The following PTPRT variants were observed in gnomAD, a reference collection of about 807,000 sequenced individuals.
PTPRT encodes the protein receptor-type tyrosine-protein phosphatase T.
PTPRT carries 56 observed loss-of-function variants against 176.8 expected under a neutral mutation model. That is an observed-to-expected ratio of 0.32 (90% CI 0.26 to 0.40). The LOEUF (loss-of-function observed/expected upper bound fraction) is 0.40. Among genes scored for constraint, PTPRT ranks in the 10% least tolerant of loss-of-function variants. The pLI is 1.00. For synonymous variants in PTPRT, 783 were observed against 739.0 expected, an observed-to-expected ratio of 1.06 and a Z score of -0.96; for missense variants, 1,540 against 1,908.2, an observed-to-expected ratio of 0.81 and a Z score of 3.60.
At chr20:43,096,510 G>C (rs950022664) in intron 1 of PTPRT, among the ~76,000 whole-genome samples, 1 of 152,174 alleles carries the variant, frequency 6.6e-6, no homozygotes, top group African/African-American at 2.4e-5. Context: ...CAGCAGCTGG[G>C]CCCCTCCTCC....
chr20:42,908,400 AAAT>A, intron 1 of PTPRT, among the ~76,000 whole-genome samples: 1 of 152,326 alleles, frequency 6.6e-6, no homozygotes, highest in South Asian at 2.1e-4. Flanking sequence ...AATTCACAAC[AAAT>A]AATAAATTCC....
chr20:43,155,295 GA>G (rs2146429486), intron 1 of PTPRT, among the ~76,000 whole-genome samples: 1 of 152,306 alleles, frequency 6.6e-6, no homozygotes, highest in South Asian at 2.1e-4. Context: ...ATCAGTGGAT[GA>G]ATGGATAAAG....
intron 1 of PTPRT, among the ~76,000 whole-genome samples, chr20:42,958,645 C>A (rs1047591117): frequency 6.6e-6 from 1 of 152,040 alleles, no homozygotes; most frequent in Non-Finnish European, 1.5e-5. Flanking sequence ...TTGTCCCCTG[C>A]ACCTCCCTCT....
At chr20:42,532,298 C>T (rs1363338780) in intron 7 of PTPRT, among the ~76,000 whole-genome samples, 1 of 152,144 alleles carries the variant, frequency 6.6e-6, no homozygotes, top group Non-Finnish European at 1.5e-5. Flanking sequence ...AAGGAATGCA[C>T]AAGTGCTTAG....
chr20:42,590,102 C>T (rs2145753269), intron 7 of PTPRT, among the ~76,000 whole-genome samples: 1 of 152,206 alleles, frequency 6.6e-6, no homozygotes, highest in Non-Finnish European at 1.5e-5. Context: ...GCTCTTGGAG[C>T]CCAGCCACTA....
At chr20:42,345,849 G>A (rs770105658) in intron 11 of PTPRT, among the ~76,000 whole-genome samples, 6 of 152,020 alleles carry the variant, frequency 3.9e-5, no homozygotes, top group South Asian at 2.1e-4. Flanking sequence ...AGGGGCAGAC[G>A]GAAATGAAAG....
At chr20:43,169,844 G>A (rs562039072) in intron 1 of PTPRT, among the ~76,000 whole-genome samples, 1 of 152,208 alleles carries the variant, frequency 6.6e-6, no homozygotes, top group South Asian at 2.1e-4. Context: ...AGAATTGTAG[G>A]TAAAGTAAGA....
chr20:42,749,248 C>T (rs2076735391), intron 6 of PTPRT, among the ~76,000 whole-genome samples: 1 of 152,160 alleles, frequency 6.6e-6, no homozygotes, highest in Non-Finnish European at 1.5e-5. Context: ...TACAAAGACT[C>T]TGCAAATGTC....
At chr20:42,442,771 T>G (rs1281171590) in intron 9 of PTPRT, among the ~76,000 whole-genome samples, 1 of 152,238 alleles carries the variant, frequency 6.6e-6, no homozygotes, top group African/African-American at 2.4e-5. Flanking sequence ...TATTGATTAC[T>G]GTTTTCCATG....
At chr20:43,019,268 C>A (rs1271515751) in intron 1 of PTPRT, among the ~76,000 whole-genome samples, 1 of 152,160 alleles carries the variant, frequency 6.6e-6, no homozygotes, top group East Asian at 1.9e-4. Flanking sequence ...TCAGTAGGCA[C>A]AAAACCCATC....
chr20:42,975,580 C>A (rs940795537), intron 1 of PTPRT, among the ~76,000 whole-genome samples: 1 of 152,096 alleles, frequency 6.6e-6, no homozygotes, highest in Non-Finnish European at 1.5e-5. Context: ...TCTGCAAAAG[C>A]TTCTGTCTTA....
At chr20:42,228,276 C>T (rs1023975648) in intron 15 of PTPRT, among the ~76,000 whole-genome samples, 5 of 152,110 alleles carry the variant, frequency 3.3e-5, no homozygotes, top group African/African-American at 1.2e-4. Flanking sequence ...ATATAAACAC[C>T]TTTTGCCACC....
chr20:42,623,371 C>T (rs915397522), intron 7 of PTPRT, among the ~76,000 whole-genome samples: 1 of 152,220 alleles, frequency 6.6e-6, no homozygotes, highest in African/African-American at 2.4e-5. Context: ...TGTGCTCCCC[C>T]TCCCGTAAGG....
At chr20:42,333,160 T>C (rs1406786640) in intron 11 of PTPRT, among the ~76,000 whole-genome samples, 1 of 152,210 alleles carries the variant, frequency 6.6e-6, no homozygotes, top group African/African-American at 2.4e-5. Flanking sequence ...GGATTTTCTT[T>C]ATTTCAACCA....
At chr20:42,831,316 G>C (rs907194098) in intron 2 of PTPRT, among the ~76,000 whole-genome samples, 1 of 152,152 alleles carries the variant, frequency 6.6e-6, no homozygotes, top group African/African-American at 2.4e-5. Context: ...GGGATAACTG[G>C]CTAGCCATAT....
intron 18 of PTPRT, among the ~76,000 whole-genome samples, chr20:42,134,075 T>C (rs921674129): frequency 1.3e-5 from 2 of 152,236 alleles, no homozygotes; most frequent in African/African-American, 2.4e-5. Context: ...ACAAAGGCAC[T>C]GCAAGGAGTG....
chr20:42,082,113 C>A, intron 29 of PTPRT, 96 bp from the exon 30 acceptor site: 2 of 1,557,004 alleles, frequency 1.3e-6, no homozygotes, highest in South Asian at 2.3e-5. Flanking sequence ...GATCAGCTGT[C>A]TGGGCAGATG....
chr20:42,168,149 C>T (rs1989910097), intron 16 of PTPRT, among the ~76,000 whole-genome samples: 1 of 141,402 alleles, frequency 7.1e-6, no homozygotes, highest in South Asian at 2.3e-4. Flanking sequence ...ATTGTCTACA[C>T]ATTGAGTAGA....
At chr20:42,522,163 G>A (rs1191536888) in intron 7 of PTPRT, among the ~76,000 whole-genome samples, 1 of 148,552 alleles carries the variant, frequency 6.7e-6, no homozygotes, top group Non-Finnish European at 1.5e-5. Flanking sequence ...CTTGGATCTA[G>A]TTGCCTCTTG....
Sources: gnomAD v4.1 joint callset for allele counts (sites outside exome capture counted in the v4.1 genomes callset) on GRCh38, gnomAD v4.1.1 for gene constraint, MANE v1.5 for transcripts, NCBI Gene and HGNC (gene_info 2026-07-23, HGNC 2026-07-21) for gene names.